The following CFAP20DC variants were observed in gnomAD, a reference collection of about 807,000 sequenced individuals.
The protein encoded by CFAP20DC is CFAP20 domain containing.
Under a neutral mutation model 101.7 loss-of-function variants are expected in CFAP20DC, and 84 were observed. The observed-to-expected ratio is 0.83, with a 90% confidence interval of 0.69 to 0.99. The LOEUF (loss-of-function observed/expected upper bound fraction) is 0.99, where lower values mean the gene tolerates loss of function less well. CFAP20DC is among the 50% of genes least tolerant of loss of function. The probability of loss-of-function intolerance (pLI) is 0.00; values close to 1 mark genes in which losing one functional copy is unlikely to be tolerated. For missense variants in CFAP20DC, 1,007 were observed against 970.3 expected (o/e 1.04, Z -0.50); for synonymous variants, 359 against 351.2 (o/e 1.02, Z -0.25).
At chr3:58,848,528 C>T (rs559063380) in intron 13 of CFAP20DC, among the ~76,000 whole-genome samples, 1 of 152,276 alleles carries the variant, frequency 6.6e-6, no homozygotes, top group South Asian at 2.1e-4. Flanking sequence ...GACACGAATA[C>T]AGCCACCAAA....
At chr3:58,872,781 T>C (rs1160534862) in intron 7 of CFAP20DC, among the ~76,000 whole-genome samples, 3 of 151,970 alleles carry the variant, frequency 2.0e-5, no homozygotes, top group Non-Finnish European at 2.9e-5. Flanking sequence ...AGGTGATAAA[T>C]TTTTTGTCAT....
At chr3:58,763,757 G>T (rs1045339168) in intron 15 of CFAP20DC, among the ~76,000 whole-genome samples, 1 of 152,210 alleles carries the variant, frequency 6.6e-6, no homozygotes, top group East Asian at 1.9e-4. Context: ...CCTTGTAACA[G>T]TCAGGACCCT....
At chr3:58,920,160 G>C (rs1301645776) in intron 5 of CFAP20DC, among the ~76,000 whole-genome samples, 2 of 149,604 alleles carry the variant, frequency 1.3e-5, no homozygotes, top group African/African-American at 2.5e-5. Context: ...TGCCAGTGGA[G>C]GCTGACTGCA....
intron 13 of CFAP20DC, among the ~76,000 whole-genome samples, chr3:58,844,498 C>G (rs2077438078): frequency 7.1e-6 from 1 of 141,580 alleles, no homozygotes; most frequent in Admixed American, 6.8e-5. Context: ...ACAGGAGCAC[C>G]CAGATTCATA....
At chr3:58,774,577 G>A (rs944987861) in intron 15 of CFAP20DC, among the ~76,000 whole-genome samples, 2 of 152,204 alleles carry the variant, frequency 1.3e-5, no homozygotes, top group African/African-American at 4.8e-5. Flanking sequence ...AATGTGATGT[G>A]AGACTTCTCA....
intron 6 of CFAP20DC, among the ~76,000 whole-genome samples, chr3:58,890,918 G>A (rs367993596): frequency 4.1e-4 from 61 of 146,994 alleles, no homozygotes; most frequent in East Asian, 4.1e-3. Context: ...GCGGCCGGGC[G>A]GAGACGCTCC....
intron 3 of CFAP20DC, among the ~76,000 whole-genome samples, chr3:58,733,596 T>C (rs545758958): frequency 1.3e-5 from 2 of 152,326 alleles, no homozygotes; most frequent in South Asian, 4.1e-4. Context: ...CACTGTTGAT[T>C]TGGTCTTGGA....
At chr3:58,771,934 T>G (rs2070886597) in intron 15 of CFAP20DC, among the ~76,000 whole-genome samples, 1 of 152,212 alleles carries the variant, frequency 6.6e-6, no homozygotes, top group Admixed American at 6.5e-5. Context: ...CTATGAAGAC[T>G]TCCATGCACA....
chr3:58,725,023 A>G (rs1351770502), intron 3 of CFAP20DC, among the ~76,000 whole-genome samples: 1 of 152,234 alleles, frequency 6.6e-6, no homozygotes, highest in Non-Finnish European at 1.5e-5. Flanking sequence ...TTATGTTGAT[A>G]TTAATGACAA....
chr3:59,031,976 T>C (rs990457426), intron 4 of CFAP20DC, among the ~76,000 whole-genome samples: 8 of 152,174 alleles, frequency 5.3e-5, no homozygotes, highest in Admixed American at 2.6e-4. Flanking sequence ...AGGTAATTTC[T>C]GCATTTCCAA....
intron 14 of CFAP20DC, among the ~76,000 whole-genome samples, chr3:58,822,600 G>T (rs891252354): frequency 6.6e-6 from 1 of 150,724 alleles, no homozygotes; most frequent in African/African-American, 2.4e-5. Context: ...AAAAAAAAAA[G>T]ACTATACAGA....
At chr3:58,750,504 C>T (rs186090650) in intron 16 of CFAP20DC, among the ~76,000 whole-genome samples, 39 of 152,256 alleles carry the variant, frequency 2.6e-4, no homozygotes, top group Non-Finnish European at 5.0e-4. Flanking sequence ...TTATTTATAT[C>T]CTAGAAGTCC....
chr3:58,872,026 G>A (rs1392699168), intron 7 of CFAP20DC, among the ~76,000 whole-genome samples: 3 of 152,122 alleles, frequency 2.0e-5, no homozygotes, highest in Non-Finnish European at 1.5e-5. Context: ...GGCTTCCCAA[G>A]GAACTCCTGA....
intron 4 of CFAP20DC, among the ~76,000 whole-genome samples, chr3:58,998,639 C>G (rs1229465457): frequency 1.3e-5 from 2 of 152,142 alleles, no homozygotes; most frequent in African/African-American, 4.8e-5. Context: ...TAGCCCCACC[C>G]TGTGACTCTA....
intron 5 of CFAP20DC, among the ~76,000 whole-genome samples, chr3:58,919,027 C>G (rs550430583): frequency 1.3e-5 from 2 of 152,154 alleles, no homozygotes; most frequent in African/African-American, 2.4e-5. Context: ...CATCATACTC[C>G]TGCATACCAC....
rs2093669682 is a variant in CFAP20DC, at chr3:59,015,487, A to C, written c.278+24070T>G. On this transcript the variant is annotated intron_variant, in intron 4 of 16. Transcript: ENST00000482387. The surrounding 1 kb of genome is among the most constrained non-coding windows in gnomAD (Gnocchi z 5.4). ...AGGGAAAAGGATGAGGGAGAAAAGG[A>C]AGAGAAAGAAGAAACAAAATGGCAG... 6.6e-6 allele frequency among the ~76,000 whole-genome samples: 1 copy of C among 151,906 alleles called. No homozygotes were observed. Among genetic ancestry groups the C allele is most frequent in the South Asian group, 2.1e-4 (1 of 4,800 alleles).
intron 15 of CFAP20DC, among the ~76,000 whole-genome samples, chr3:58,805,310 G>C (rs1414014909): frequency 6.6e-6 from 1 of 152,186 alleles, no homozygotes; most frequent in African/African-American, 2.4e-5. Flanking sequence ...GAAGCAAGCA[G>C]AGATGGAGTG....
chr3:58,977,324 C>T (rs916624887), intron 4 of CFAP20DC, among the ~76,000 whole-genome samples: 1 of 152,138 alleles, frequency 6.6e-6, no homozygotes, highest in Non-Finnish European at 1.5e-5. Flanking sequence ...TTAAATGGAA[C>T]CAAAATAACC....
At chr3:58,801,714 C>A (rs2073721910) in intron 15 of CFAP20DC, among the ~76,000 whole-genome samples, 1 of 152,014 alleles carries the variant, frequency 6.6e-6, no homozygotes, top group Non-Finnish European at 1.5e-5. Flanking sequence ...GCCAGGCCAG[C>A]TGAGCCAGCG....
Sources: allele counts gnomAD v4.1 joint callset (sites outside exome capture counted in the v4.1 genomes callset), GRCh38; gene constraint gnomAD v4.1.1; non-coding constraint Gnocchi (gnomAD v3.1); transcripts MANE v1.5; gene names NCBI Gene and HGNC (gene_info 2026-07-23, HGNC 2026-07-21).